Variants in FOCAD observed in about 807,000 individuals in gnomAD.
FOCAD encodes focadhesin.
Under a neutral mutation model 225.6 loss-of-function variants are expected in FOCAD, and 198 were observed. That is an observed-to-expected ratio of 0.88 (90% CI 0.78 to 0.99). FOCAD has a LOEUF of 0.99. Ranked by LOEUF, FOCAD falls within the 50% of genes least tolerant of loss-of-function variation. The pLI is 0.00. For missense variants in FOCAD, 2,713 were observed against 2,123.6 expected (o/e 1.28, Z -5.46); for synonymous variants, 897 against 755.0 (o/e 1.19, Z -3.08).
chr9:20,966,791 A>G (rs1234270333), intron 35 of FOCAD, among the ~76,000 whole-genome samples: 3 of 152,000 alleles, frequency 2.0e-5, no homozygotes, highest in African/African-American at 7.2e-5. Flanking sequence ...CCATTGAAGG[A>G]TCTTGGCACC....
intron 21 of FOCAD, among the ~76,000 whole-genome samples, chr9:20,894,535 G>C (rs528703762): frequency 6.2e-4 from 95 of 152,096 alleles, no homozygotes; most frequent in African/African-American, 1.9e-3. Flanking sequence ...TTGTGGTCTG[G>C]ATTTTGGCCA....
rs1836749967 is a variant in FOCAD at position 20,942,331 on chromosome 9, A to T, written c.3408-2296A>T. Among the ~76,000 whole-genome samples, 3 of 152,172 alleles carry T rather than the reference A, an allele frequency of 2.0e-5. No individual in the cohort carries two copies. In the South Asian group the frequency reaches 6.2e-4, roughly 32 times the overall value. On this transcript the variant is annotated intron_variant, in intron 28 of 43. Transcript: ENST00000338382. Reference sequence around the variant, plus strand: ...TGAAAGAGGGGCTTCAATCTAGGGGATAGAGATATTTATGTGCCCAGGATA... The same window carrying T: ...TGAAAGAGGGGCTTCAATCTAGGGGTTAGAGATATTTATGTGCCCAGGATA...
At chr9:20,693,276 T>G (rs1823087193) in intron 1 of FOCAD, among the ~76,000 whole-genome samples, 1 of 152,220 alleles carries the variant, frequency 6.6e-6, no homozygotes, top group Non-Finnish European at 1.5e-5. Flanking sequence ...CCTAGAGTCT[T>G]CTTTTCTGAG....
At chr9:20,866,249 G>T (rs7875165) in intron 17 of FOCAD, among the ~76,000 whole-genome samples, 129 of 145,982 alleles carry the variant, frequency 8.8e-4, no homozygotes, top group African/African-American at 2.9e-3. Flanking sequence ...ATTTTTATAT[G>T]GTCTTTCCCC....
Position 20,870,642 on chromosome 9 carries a change from G to T in FOCAD, c.2190+3630G>T, listed in dbSNP as rs148689530. Reference sequence around the variant, plus strand: ...TGATGCTAGGCAACAGCATCAGATCGCAGCTCCCAATCACACTGAATCACA... The same window carrying T: ...TGATGCTAGGCAACAGCATCAGATCTCAGCTCCCAATCACACTGAATCACA... On this transcript the variant is annotated intron_variant, in intron 18 of 43. Transcript: ENST00000338382. 2.2e-3 allele frequency among the ~76,000 whole-genome samples: 336 copies of T among 152,230 alleles called. 1 individual carries two copies. The highest frequency in any genetic ancestry group is 3.1e-3 in the Non-Finnish European group (211 of 68,014).
chr9:20,733,492 G>A (rs1007954016), intron 4 of FOCAD, among the ~76,000 whole-genome samples: 55 of 152,150 alleles, frequency 3.6e-4, no homozygotes, highest in African/African-American at 1.3e-3. Flanking sequence ...ATCTCCTAAT[G>A]CTATCCCTCC....
chr9:20,896,495 T>C (rs1219067163), intron 21 of FOCAD, among the ~76,000 whole-genome samples: 1 of 151,914 alleles, frequency 6.6e-6, no homozygotes, highest in Non-Finnish European at 1.5e-5. Flanking sequence ...GGAGTGGTGC[T>C]TTCTGTGTTG....
intron 22 of FOCAD, among the ~76,000 whole-genome samples, chr9:20,912,620 A>T (rs1422293847): frequency 2.0e-5 from 3 of 152,144 alleles, no homozygotes; most frequent in African/African-American, 7.2e-5. Context: ...GTATCTCAAA[A>T]TTAAATTCTC....
intron 28 of FOCAD, among the ~76,000 whole-genome samples, chr9:20,940,217 G>A (rs923214998): frequency 6.6e-6 from 1 of 151,294 alleles, no homozygotes; most frequent in Non-Finnish European, 1.5e-5. Flanking sequence ...TAGTTCTACG[G>A]TTAATGAAGT....
At chr9:20,912,822 C>G in intron 22 of FOCAD, 44 bp from the exon 23 acceptor site, 1 of 1,494,110 alleles carries the variant, frequency 6.7e-7, no homozygotes, top group Non-Finnish European at 9.3e-7. Flanking sequence ...AAGATCACTT[C>G]AGCCATCGAG....
intron 2 of FOCAD, among the ~76,000 whole-genome samples, chr9:20,666,715 A>G (rs1481934307): frequency 6.6e-6 from 1 of 152,230 alleles, no homozygotes; most frequent in Non-Finnish European, 1.5e-5. Flanking sequence ...GGTGTTTTCT[A>G]GAAAATTATG....
At chr9:20,766,959 A>G (rs536315181) in intron 7 of FOCAD, among the ~76,000 whole-genome samples, 2 of 152,098 alleles carry the variant, frequency 1.3e-5, no homozygotes, top group East Asian at 1.9e-4. Context: ...ATATCTCCCA[A>G]TGCTATCCCT....
intron 21 of FOCAD, among the ~76,000 whole-genome samples, chr9:20,888,779 C>T (rs1346261696): frequency 2.0e-5 from 3 of 152,028 alleles, no homozygotes; most frequent in Non-Finnish European, 4.4e-5. Flanking sequence ...GTTTTAAAAA[C>T]GTGAGTTTCC....
intron 15 of FOCAD, among the ~76,000 whole-genome samples, chr9:20,836,025 C>T (rs1825963528): frequency 6.6e-6 from 1 of 151,998 alleles, no homozygotes. Context: ...TATTCTATCC[C>T]CTTTTATTTA....
rs548298586 is a variant in FOCAD at position 20,869,708 on chromosome 9, G to C, written c.2190+2696G>C. Among the ~76,000 whole-genome samples the C allele has an allele frequency of 1.5e-3, 229 of 152,150 alleles. 2 individuals are homozygous for C. The highest frequency in any genetic ancestry group is 3.4e-3 in the Middle Eastern group (1 of 294). ...GAATTTCTGTGGGATTAGAGGTGATGGACATGTAATACTTGCATTGGTTTA... is the reference window on the plus strand; with the variant it reads ...GAATTTCTGTGGGATTAGAGGTGATCGACATGTAATACTTGCATTGGTTTA... On this transcript the variant is annotated intron_variant, in intron 18 of 43. Coordinates refer to ENST00000338382, the MANE Select transcript of FOCAD (RefSeq NM_001375567.1).
chr9:20,656,020 T>A (rs1821470589), upstream of FOCAD, among the ~76,000 whole-genome samples: 1 of 151,980 alleles, frequency 6.6e-6, no homozygotes, highest in Non-Finnish European at 1.5e-5. Flanking sequence ...ATTTCTGCCT[T>A]CATTTTGTTA....
intron 2 of FOCAD, among the ~76,000 whole-genome samples, chr9:20,676,290 A>G (rs1183878805): frequency 4.6e-5 from 7 of 152,214 alleles, no homozygotes; most frequent in Non-Finnish European, 8.8e-5. Context: ...GAAGCTGAAT[A>G]TCCCGATTTG....
intron 16 of FOCAD, among the ~76,000 whole-genome samples, chr9:20,864,535 A>C (rs576538645): frequency 1.7e-4 from 26 of 152,228 alleles, no homozygotes; most frequent in Admixed American, 1.5e-3. Flanking sequence ...AACTCATCCC[A>C]TCCTTTGAGA....
At chr9:20,708,665 C>G (rs866142481) in intron 1 of FOCAD, among the ~76,000 whole-genome samples, 4 of 151,826 alleles carry the variant, frequency 2.6e-5, no homozygotes, top group Non-Finnish European at 5.9e-5. Flanking sequence ...GTCCCAGCTA[C>G]TTGGAAGGCT....
Sources: allele counts gnomAD v4.1 joint callset (sites outside exome capture counted in the v4.1 genomes callset), GRCh38; gene constraint gnomAD v4.1.1; transcripts MANE v1.5; gene names NCBI Gene and HGNC (gene_info 2026-07-23, HGNC 2026-07-21).